The following CCNB3 variants were observed in gnomAD, a reference collection of about 807,000 sequenced individuals.
CCNB3 encodes the protein cyclin B3, also known as G2/mitotic-specific cyclin-B3.
A neutral mutation model predicts 68.0 loss-of-function variants in CCNB3; 12 were observed. That is an observed-to-expected ratio of 0.18 (90% CI 0.11 to 0.29). CCNB3 has a LOEUF of 0.29. Among genes scored for constraint, CCNB3 ranks in the 10% least tolerant of loss-of-function variants. The probability of loss-of-function intolerance (pLI) is 1.00; values close to 1 mark genes in which losing one functional copy is unlikely to be tolerated. For synonymous variants in CCNB3, 354 were observed against 388.9 expected (o/e 0.91, Z 1.06); for missense variants, 904 against 993.1 (o/e 0.91, Z 1.21).
chrX:50,204,273 C>G (rs1935311640), upstream of CCNB3, among the ~76,000 whole-genome samples: 1 of 111,844 alleles, frequency 8.9e-6, no homozygotes. Flanking sequence ...AATTGTCACA[C>G]TTTGGCGTGC....
intron 1 of CCNB3, among the ~76,000 whole-genome samples, chrX:50,224,195 T>C (rs1935718126): frequency 8.9e-6 from 1 of 111,775 alleles, no homozygotes; most frequent in Admixed American, 9.6e-5. Context: ...TTTTATAGTT[T>C]GTCTGGTATT....
chrX:50,285,103 T>C, intron 2 of CCNB3, 24 bp from the exon 3 acceptor site: 4 of 877,050 alleles, frequency 4.6e-6, no homozygotes, highest in Non-Finnish European at 6.8e-6. Context: ...TGAATGGTGT[T>C]AAAGAGCCTC....
chrX:50,209,739 A>C (rs1935452994), intron 1 of CCNB3, among the ~76,000 whole-genome samples: 1 of 111,870 alleles, frequency 8.9e-6, no homozygotes, highest in Non-Finnish European at 1.9e-5. Context: ...TGATATTGCT[A>C]ATTTGTGTCT....
chrX:50,281,572 T>C (rs1333211472), intron 1 of CCNB3, among the ~76,000 whole-genome samples: 2 of 110,967 alleles, frequency 1.8e-5, no homozygotes, highest in Non-Finnish European at 3.8e-5. Context: ...GTAAGGAAAC[T>C]TTTCAATCTC....
chrX:50,215,052 C>T (rs908521860), intron 1 of CCNB3, among the ~76,000 whole-genome samples: 2 of 110,713 alleles, frequency 1.8e-5, no homozygotes, highest in Non-Finnish European at 3.8e-5. Flanking sequence ...GGAAGTGGCA[C>T]GATCTCGGCT....
At chrX:50,315,471 G>C (rs782215901) in intron 8 of CCNB3, among the ~76,000 whole-genome samples, 2 of 111,017 alleles carry the variant, frequency 1.8e-5, no homozygotes, top group East Asian at 2.8e-4. Context: ...AAAGGACAAA[G>C]AGAGCCTGTA....
rs1557210624 is a variant in CCNB3, at chrX:50,294,886, G to A, written c.228G>A (p.Gln76=). 29 of 1,205,819 alleles carry A rather than the reference G, an allele frequency of 2.4e-5. No homozygotes were observed. The highest frequency in any genetic ancestry group is 2.3e-4 in the Middle Eastern group (1 of 4,351). ...AGGCTTCTCAATGTCAACCTGTCCA[G>A]CCCAAGAAAGAAGCCAATAAAGAGT... ...LTNASQCQPV[Q]PKKEANKEFV... The change falls in exon 5 of 13, where the codon CAG becomes CAA. Residue 76 remains glutamine (Q), a synonymous_variant. Transcript: ENST00000376042.
chrX:50,322,991 C>T (rs1387659936), intron 8 of CCNB3, among the ~76,000 whole-genome samples: 1 of 111,747 alleles, frequency 8.9e-6, no homozygotes, highest in Non-Finnish European at 1.9e-5. Context: ...CTGGTTCAAC[C>T]ATTGTGGAAG....
intron 6 of CCNB3, 58 bp downstream of exon 6, chrX:50,311,554 G>T: frequency 1.1e-6 from 1 of 895,216 alleles, no homozygotes; most frequent in Non-Finnish European, 1.5e-6. Flanking sequence ...TCCTGGAGGT[G>T]GCTGCTAGCA....
chrX:50,336,399 C>G (rs1216784637), intron 8 of CCNB3, among the ~76,000 whole-genome samples: 3 of 112,101 alleles, frequency 2.7e-5, no homozygotes, highest in Admixed American at 9.4e-5. Flanking sequence ...GCCTTCCTTA[C>G]GGCTTTCTCT....
intron 5 of CCNB3, among the ~76,000 whole-genome samples, chrX:50,295,639 T>G (rs1288448327): frequency 1.8e-5 from 2 of 111,814 alleles, no homozygotes; most frequent in African/African-American, 6.5e-5. Flanking sequence ...TCAATCATGT[T>G]GCCTTATTCC....
chrX:50,287,492 G>A (rs1041472380), intron 3 of CCNB3, among the ~76,000 whole-genome samples: 3 of 111,492 alleles, frequency 2.7e-5, no homozygotes, highest in Non-Finnish European at 3.8e-5. Context: ...CAGTTCATAC[G>A]AACTTTTAAA....
At chrX:50,289,308 C>G (rs937959235) in intron 4 of CCNB3, among the ~76,000 whole-genome samples, 3 of 110,854 alleles carry the variant, frequency 2.7e-5, no homozygotes, top group Non-Finnish European at 5.7e-5. Context: ...AACTAGCACC[C>G]CTCGTCCTCA....
chrX:50,310,930 A>G lies in CCNB3; in HGVS notation c.2761A>G (p.Ile921Val), dbSNP rs782396691. ...KKPLALKMST[I>V]NEAVLFEDMI... ...GCCATTAGCCTTGAAGATGTCTACC[A>G]TCAATGAGGCAGTCCTCTTCGAAGA... Residue 921 changes from isoleucine (I) to valine (V), a missense_variant, in exon 6 of 13, where the codon ATC becomes GTC. Around this residue, in one of 2 missense-constraint regions of CCNB3, gnomAD observed 285 missense variants for 383.4 expected, o/e 0.74. Transcript: ENST00000376042. 1 of 1,212,283 alleles carries G rather than the reference A, an allele frequency of 8.2e-7. No homozygotes were observed. Among genetic ancestry groups the G allele is most frequent in the South Asian group, 1.8e-5 (1 of 57,018 alleles).
intron 1 of CCNB3, among the ~76,000 whole-genome samples, chrX:50,224,453 A>G (rs1478410603): frequency 9.0e-6 from 1 of 111,655 alleles, no homozygotes; most frequent in Non-Finnish European, 1.9e-5. Context: ...AGTTTAAGTC[A>G]ACTGGAGGTA....
At chrX:50,340,910 T>C (rs1923092130) in intron 8 of CCNB3, among the ~76,000 whole-genome samples, 1 of 111,487 alleles carries the variant, frequency 9.0e-6, no homozygotes, top group Non-Finnish European at 1.9e-5. Context: ...GACAAATGGG[T>C]CAATGAAATT....
At chrX:50,342,129 T>C in intron 8 of CCNB3, 73 bp from the exon 9 acceptor site, 1 of 1,121,056 alleles carries the variant, frequency 8.9e-7, no homozygotes, top group Non-Finnish European at 1.2e-6. Flanking sequence ...ATACTCCAGG[T>C]AGCTAGATCT....
chrX:50,340,399 T>C (rs1488115745), intron 8 of CCNB3, among the ~76,000 whole-genome samples: 2 of 112,327 alleles, frequency 1.8e-5, no homozygotes, highest in Non-Finnish European at 3.8e-5. Flanking sequence ...CATGCATTGG[T>C]TGAGTTGTTG....
At chrX:50,348,547 T>C (rs1557220710) in intron 11 of CCNB3, among the ~76,000 whole-genome samples, 1 of 111,555 alleles carries the variant, frequency 9.0e-6, no homozygotes, top group Non-Finnish European at 1.9e-5. Context: ...GGAGAAGCCA[T>C]ACTGAAATTT....
Sources: allele counts gnomAD v4.1 joint callset (sites outside exome capture counted in the v4.1 genomes callset), GRCh38; gene constraint gnomAD v4.1.1; regional missense constraint gnomAD v4.1.1; transcripts MANE v1.5; gene names NCBI Gene and HGNC (gene_info 2026-07-23, HGNC 2026-07-21).